LRRC38: variants seen among roughly 807,000 people sequenced by gnomAD.
LRRC38 encodes the protein leucine rich repeat containing 38.
A neutral mutation model predicts 16.4 loss-of-function variants in LRRC38; 5 were observed. That is an observed-to-expected ratio of 0.31 (90% CI 0.16 to 0.64). The LOEUF is 0.64. Ranked by LOEUF, LRRC38 falls within the 30% of genes least tolerant of loss-of-function variation. LRRC38 has a pLI of 0.80. For missense variants in LRRC38, 341 were observed against 401.8 expected (o/e 0.85, Z 1.29); for synonymous variants, 191 against 190.2 (o/e 1.00, Z -0.04).
rs889149305 is a variant in LRRC38 at position 13,513,817 on chromosome 1, G to C, written c.-224C>G. ...GAGAGGGGAGGGGCGGGGAGGGAGG[G>C]GCGAGGGACTCACCAAAGGGTTTAC... On this transcript the variant is annotated 5_prime_UTR_variant, in exon 1 of 2. Coordinates refer to ENST00000376085, the MANE Select transcript of LRRC38 (RefSeq NM_001010847.2). 1 of 153,752 alleles carries C rather than the reference G, an allele frequency of 6.5e-6. No individual in the cohort carries two copies. The highest frequency in any genetic ancestry group is 1.4e-5 in the Non-Finnish European group (1 of 69,650). 9.5% of individuals were successfully genotyped at this position (153,752 alleles called of 1,614,324 possible).
chr1:13,503,268 T>C (rs552695866), intron 1 of LRRC38, among the ~76,000 whole-genome samples: 90 of 138,004 alleles, frequency 6.5e-4, no homozygotes, highest in Non-Finnish European at 5.9e-5. Flanking sequence ...TATTTTGTTT[T>C]TATTTATTTA....
rs1301294450 is a variant in LRRC38 at position 13,513,140 on chromosome 1, C to A, written c.454G>T (p.Glu152Ter). 6.5e-7 allele frequency: 1 copy of A among 1,550,334 alleles called. No individual in the cohort carries two copies. The highest frequency in any genetic ancestry group is 1.4e-5 in the African/African-American group (1 of 73,032). The change falls in exon 1 of 2, where the codon GAG becomes TAG. Residue 152 changes from glutamate to a stop codon, truncating the protein, a stop_gained. Coordinates refer to ENST00000376085, the MANE Select transcript of LRRC38 (RefSeq NM_001010847.2). LOFTEE classifies it high-confidence loss of function. Reference sequence around the variant, plus strand: ...TTGAGCTCCAGCACCTGCAGCGACTCCAGGGTCTCGAAGGCGTCCTCGTGC... The same window carrying A: ...TTGAGCTCCAGCACCTGCAGCGACTACAGGGTCTCGAAGGCGTCCTCGTGC... ...GVHEDAFETLESLQVLELNDN... is the reference protein window; with the variant it reads ...GVHEDAFETL
At chr1:13,477,031 G>A (rs942029464) in intron 1 of LRRC38, among the ~76,000 whole-genome samples, 2 of 152,174 alleles carry the variant, frequency 1.3e-5, no homozygotes, top group Admixed American at 6.5e-5. Context: ...CTTGAACCCA[G>A]GAGGCAGAGG....
In LRRC38 at chr1:13,513,070, A is replaced by AGCGCGGCCAGGGCGGCCACGCTGAGGCT; in HGVS notation, c.496_523dup (p.Leu175GlnfsTer28). The AGCGCGGCCAGGGCGGCCACGCTGAGGCT allele has an allele frequency of 4.5e-6, 7 of 1,549,908 alleles. No individual in the cohort carries two copies. The highest frequency in any genetic ancestry group is 6.1e-6 in the Non-Finnish European group (7 of 1,146,682). ...CAGACGCAGGGAGCGCAGCGCGGGCAGCGCGGCCAGGGCGGCCACGCTGAG... is the reference window on the plus strand; with the variant it reads ...CAGACGCAGGGAGCGCAGCGCGGGCAGCGCGGCCAGGGCGGCCACGCTGAGGCTGCGCGGCCAGGGCGGCCACGCTGAG... On this transcript the variant is annotated frameshift_variant, in exon 1 of 2. Transcript: ENST00000376085. LOFTEE classifies it high-confidence loss of function.
intron 1 of LRRC38, among the ~76,000 whole-genome samples, chr1:13,501,779 T>G (rs1273506868): frequency 6.6e-6 from 1 of 151,302 alleles, no homozygotes; most frequent in Non-Finnish European, 1.5e-5. Context: ...TTTGTTTGTT[T>G]GTTTGTTTGT....
intron 1 of LRRC38, among the ~76,000 whole-genome samples, chr1:13,506,712 G>A (rs1474351224): frequency 2.0e-5 from 3 of 152,210 alleles, no homozygotes; most frequent in African/African-American, 7.2e-5. Context: ...GCCCGCCTTG[G>A]CCTCCCAAAG....
Position 13,490,178 on chromosome 1 carries a change from A to C in LRRC38, c.632-14079T>G, listed in dbSNP as rs142344987. 1.0e-3 allele frequency among the ~76,000 whole-genome samples: 159 copies of C among 152,186 alleles called. 1 individual carries two copies. In the East Asian group the frequency reaches 0.028, roughly 26 times the overall value. ...TTTGTTTTTTGTTTTTTGTTTTTAG[A>C]CAGAGTCTCACTCTGTCGCCCAGGC... On this transcript the variant is annotated intron_variant, in intron 1 of 1. Transcript: ENST00000376085.
intron 1 of LRRC38, among the ~76,000 whole-genome samples, chr1:13,501,748 C>A (rs998551089): frequency 6.6e-6 from 1 of 150,828 alleles, no homozygotes; most frequent in Non-Finnish European, 1.5e-5. Flanking sequence ...TGCGCGCCAC[C>A]ATGCCCGGCT....
intron 1 of LRRC38, among the ~76,000 whole-genome samples, chr1:13,494,291 C>T (rs1039152501): frequency 2.6e-5 from 4 of 152,106 alleles, no homozygotes; most frequent in African/African-American, 9.7e-5. Flanking sequence ...ACATTTGTAG[C>T]TCAGCGTGAG....
chr1:13,494,747 G>A (rs1358068126), intron 1 of LRRC38, among the ~76,000 whole-genome samples: 1 of 152,178 alleles, frequency 6.6e-6, no homozygotes, highest in Non-Finnish European at 1.5e-5. Context: ...AGTTCGCTGT[G>A]CGGCTTTGTG....
At chr1:13,490,245 G>A (rs994297152) in intron 1 of LRRC38, among the ~76,000 whole-genome samples, 17 of 151,954 alleles carry the variant, frequency 1.1e-4, no homozygotes, top group Non-Finnish European at 2.2e-4. Flanking sequence ...TGTAACCTCC[G>A]CCTCTCGGGT....
intron 1 of LRRC38, among the ~76,000 whole-genome samples, chr1:13,495,132 G>C (rs369607988): frequency 1.3e-5 from 2 of 152,162 alleles, no homozygotes; most frequent in African/African-American, 2.4e-5. Flanking sequence ...AGTCTCTCTG[G>C]AGCACAGAGC....
Position 13,513,222 on chromosome 1 carries a change from G to C in LRRC38, c.372C>G (p.Phe124Leu), listed in dbSNP as rs1429291555. The C allele has an allele frequency of 5.8e-6, 9 of 1,550,380 alleles. No individual in the cohort carries two copies. The highest frequency in any genetic ancestry group is 2.0e-5 in the Admixed American group (1 of 50,986). ...GCTTCACCAGCCTCCCGGCCGAGCGGAAGGCGCCGGCGCCCAGCTGGGTCA... is the reference window on the plus strand; with the variant it reads ...GCTTCACCAGCCTCCCGGCCGAGCGCAAGGCGCCGGCGCCCAGCTGGGTCA... ...NNLTQLGAGA[F>L]RSAGRLVKLS... Residue 124 changes from phenylalanine (F) to leucine (L), a missense_variant, in exon 1 of 2, where the codon TTC becomes TTG. Transcript: ENST00000376085.
intron 1 of LRRC38, among the ~76,000 whole-genome samples, chr1:13,486,215 C>T (rs1638932384): frequency 6.6e-6 from 1 of 152,168 alleles, no homozygotes; most frequent in Non-Finnish European, 1.5e-5. Context: ...CCTCCAGCCT[C>T]TCCCTCTGTC....
intron 1 of LRRC38, among the ~76,000 whole-genome samples, chr1:13,491,535 T>C (rs1215925655): frequency 6.6e-6 from 1 of 152,202 alleles, no homozygotes; most frequent in Non-Finnish European, 1.5e-5. Context: ...TTAGCCATGT[T>C]GCCCAGGCTG....
chr1:13,480,971 T>C (rs1040683254), intron 1 of LRRC38, among the ~76,000 whole-genome samples: 3 of 152,172 alleles, frequency 2.0e-5, no homozygotes, highest in Admixed American at 6.5e-5. Context: ...AGGTGGCTAT[T>C]ATGGACTAAA....
At chr1:13,492,656 C>T (rs1383732974) in intron 1 of LRRC38, among the ~76,000 whole-genome samples, 4 of 151,840 alleles carry the variant, frequency 2.6e-5, no homozygotes, top group Non-Finnish European at 5.9e-5. Flanking sequence ...GAGCTGAGAT[C>T]GCACCAGTGC....
At chr1:13,497,209 G>C (rs928134968) in intron 1 of LRRC38, among the ~76,000 whole-genome samples, 7 of 152,140 alleles carry the variant, frequency 4.6e-5, no homozygotes, top group Non-Finnish European at 1.0e-4. Flanking sequence ...AGCCGAGGTG[G>C]AACATGACTT....
intron 1 of LRRC38, among the ~76,000 whole-genome samples, chr1:13,486,614 AAG>A (rs1467083515): frequency 7.3e-6 from 1 of 137,660 alleles, no homozygotes; most frequent in Non-Finnish European, 1.5e-5. Context: ...TTTTTGAGAC[AAG>A]GTCTCACTCT....
Sources: gnomAD v4.1 joint callset for allele counts (sites outside exome capture counted in the v4.1 genomes callset) on GRCh38, gnomAD v4.1.1 for gene constraint, MANE v1.5 for transcripts, NCBI Gene and HGNC (gene_info 2026-07-23, HGNC 2026-07-21) for gene names.